ASIC2: variants seen among roughly 807,000 people sequenced by gnomAD.
ASIC2 encodes acid sensing ion channel subunit 2.
ASIC2 carries 25 observed loss-of-function variants against 57.3 expected under a neutral mutation model. The ratio of observed to expected loss-of-function variants is 0.44; its 90% CI spans 0.32 to 0.61. ASIC2 has a LOEUF of 0.61. ASIC2 is among the 20% of genes least tolerant of loss of function. The probability of loss-of-function intolerance (pLI) is 0.06; values close to 1 mark genes in which losing one functional copy is unlikely to be tolerated. For synonymous variants in ASIC2, 319 were observed against 307.5 expected (o/e 1.04, Z -0.39); for missense variants, 641 against 738.1 (o/e 0.87, Z 1.52).
Position 33,643,154 on chromosome 17 carries a change from C to CG in ASIC2, c.555+512823_555+512824insC, listed in dbSNP as rs1906635337. Among the ~76,000 whole-genome samples, 8 of 150,726 alleles carry CG rather than the reference C, an allele frequency of 5.3e-5. No individual in the cohort carries two copies. The East Asian group carries it at 1.0e-3, about 19-fold the overall frequency. On this transcript the variant is annotated intron_variant, in intron 1 of 9. Transcript: ENST00000359872. ...CATTCTCACATGCTCATTTCCCCCCCCCCACATTTGAACATCTCTGAAATT... is the reference window on the plus strand; with the variant it reads ...CATTCTCACATGCTCATTTCCCCCCCGCCCACATTTGAACATCTCTGAAATT...
At chr17:33,819,936 A>G (rs1239407896) in intron 1 of ASIC2, among the ~76,000 whole-genome samples, 2 of 152,202 alleles carry the variant, frequency 1.3e-5, no homozygotes, top group Non-Finnish European at 2.9e-5. Context: ...GGAAAGCTGT[A>G]TGTCACCTCA....
intron 1 of ASIC2, among the ~76,000 whole-genome samples, chr17:33,927,786 C>T (rs78561041): frequency 0.011 from 1,675 of 152,260 alleles, 36 homozygotes; most frequent in African/African-American, 0.038. Flanking sequence ...ATCAGTTTCG[C>T]TGCTTTTATT....
chr17:33,516,443 G>A (rs1446554213), intron 1 of ASIC2, among the ~76,000 whole-genome samples: 1 of 151,600 alleles, frequency 6.6e-6, no homozygotes. Flanking sequence ...GAGGAGGGGT[G>A]GTGATGCTGT....
At chr17:33,649,443 A>G (rs1364457561) in intron 1 of ASIC2, among the ~76,000 whole-genome samples, 1 of 152,264 alleles carries the variant, frequency 6.6e-6, no homozygotes, top group Non-Finnish European at 1.5e-5. Context: ...GAAAAACTCG[A>G]CATATCAACT....
chr17:33,217,789 G>C (rs1273421487), intron 1 of ASIC2, among the ~76,000 whole-genome samples: 2 of 152,178 alleles, frequency 1.3e-5, no homozygotes, highest in Non-Finnish European at 2.9e-5. Context: ...ATGAGATAAT[G>C]CAGGTAAAGC....
chr17:34,056,055 A>ATACAG (rs1478561155), intron 1 of ASIC2, among the ~76,000 whole-genome samples: 105 of 152,324 alleles, frequency 6.9e-4, no homozygotes, highest in African/African-American at 2.4e-3. Flanking sequence ...ACAGATTTGA[A>ATACAG]ATATATATTG....
chr17:33,089,408 C>T (rs1432732674), intron 2 of ASIC2, among the ~76,000 whole-genome samples: 1 of 152,136 alleles, frequency 6.6e-6, no homozygotes, highest in Non-Finnish European at 1.5e-5. Flanking sequence ...GAATTTTCCC[C>T]TAGAGCTGCC....
intron 1 of ASIC2, among the ~76,000 whole-genome samples, chr17:33,378,823 C>T (rs969975933): frequency 6.6e-6 from 1 of 152,160 alleles, no homozygotes; most frequent in East Asian, 1.9e-4. Flanking sequence ...TGGAGCTGAG[C>T]TTTGGATCTG....
chr17:33,398,586 G>A (rs1216423900), intron 1 of ASIC2, among the ~76,000 whole-genome samples: 2 of 151,900 alleles, frequency 1.3e-5, no homozygotes, highest in African/African-American at 2.4e-5. Flanking sequence ...GATGGTGGTG[G>A]TGATGATGAT....
At chr17:33,996,900 T>C (rs200110804) in intron 1 of ASIC2, among the ~76,000 whole-genome samples, 2 of 152,182 alleles carry the variant, frequency 1.3e-5, no homozygotes, top group Admixed American at 1.3e-4. Context: ...AAAAATACCA[T>C]TGGAATTTGG....
chr17:33,092,260 G>A (rs902124671), intron 2 of ASIC2, among the ~76,000 whole-genome samples: 7 of 152,194 alleles, frequency 4.6e-5, no homozygotes, highest in Non-Finnish European at 8.8e-5. Context: ...TACCAGAATT[G>A]CCCTTGGCTT....
intron 1 of ASIC2, among the ~76,000 whole-genome samples, chr17:33,121,872 A>G (rs1260575867): frequency 6.6e-6 from 1 of 152,202 alleles, no homozygotes; most frequent in Non-Finnish European, 1.5e-5. Context: ...ATTCTCCCCA[A>G]GAGAACCTGT....
In ASIC2 at chr17:33,044,372, T is replaced by A. The variant is rs568423257; in HGVS notation, c.988-15980A>T. Among the ~76,000 whole-genome samples the A allele has an allele frequency of 2.0e-5, 3 of 152,248 alleles. No homozygotes were observed. In the East Asian group the frequency reaches 5.8e-4, roughly 29 times the overall value. ...CTTCTATGTGTCCAATAAATATTTT[T>A]TATTTTTTTATTTTTTTTGAGAGTG... On this transcript the variant is annotated intron_variant, in intron 3 of 9. Coordinates refer to ENST00000225823, the MANE Select transcript of ASIC2 (RefSeq NM_183377.2).
intron 1 of ASIC2, among the ~76,000 whole-genome samples, chr17:34,087,913 G>C (rs1224052652): frequency 1.3e-5 from 2 of 152,056 alleles, no homozygotes; most frequent in African/African-American, 4.8e-5. Flanking sequence ...TCACTTCTCT[G>C]TATTGGTTAT....
At chr17:34,099,138 GAGAGAGAC>G (rs1160477074) in intron 1 of ASIC2, among the ~76,000 whole-genome samples, 10 of 28,016 alleles carry the variant, frequency 3.6e-4, no homozygotes, top group East Asian at 1.8e-3. Flanking sequence ...GAGAGAGAGA[GAGAGAGAC>G]AGAGAGAGAG....
At position 33,731,615 on chromosome 17, in the gene ASIC2, A is replaced by T. The variant is rs116915562; in HGVS notation, c.555+424363T>A. 1.4e-4 allele frequency among the ~76,000 whole-genome samples: 21 copies of T among 152,344 alleles called. 1 individual carries two copies. The East Asian group carries it at 4.0e-3, about 29-fold the overall frequency. ...ATGGGAGGAGTCTATACAGTGGTAAATGAAACACTAAACCCCCTTGGGACT... is the reference window on the plus strand; with the variant it reads ...ATGGGAGGAGTCTATACAGTGGTAATTGAAACACTAAACCCCCTTGGGACT... On this transcript the variant is annotated intron_variant, in intron 1 of 9. Coordinates refer to the ASIC2 transcript ENST00000359872.
intron 1 of ASIC2, among the ~76,000 whole-genome samples, chr17:33,364,312 T>C (rs1908723019): frequency 1.3e-5 from 2 of 152,204 alleles, no homozygotes; most frequent in East Asian, 3.8e-4. Flanking sequence ...TTCTCTGCAC[T>C]GTTAATAGAA....
chr17:33,854,086 A>T (rs1440459042), intron 1 of ASIC2, among the ~76,000 whole-genome samples: 2 of 152,224 alleles, frequency 1.3e-5, no homozygotes, highest in Non-Finnish European at 2.9e-5. Context: ...GGTGCAATAC[A>T]TCTTCTAATT....
intron 1 of ASIC2, among the ~76,000 whole-genome samples, chr17:33,459,846 T>C (rs955904316): frequency 5.9e-5 from 9 of 152,186 alleles, no homozygotes; most frequent in Non-Finnish European, 1.2e-4. Flanking sequence ...TGTGGGGCAA[T>C]TGCCAGAAGT....
Sources: allele counts gnomAD v4.1 joint callset (sites outside exome capture counted in the v4.1 genomes callset), GRCh38; gene constraint gnomAD v4.1.1; transcripts MANE v1.5; gene names NCBI Gene and HGNC (gene_info 2026-07-23, HGNC 2026-07-21).